The following FAM167A variants were observed in gnomAD, a reference collection of about 807,000 sequenced individuals.
The protein encoded by FAM167A is family with sequence similarity 167 member A.
A neutral mutation model predicts 14.9 loss-of-function variants in FAM167A; 23 were observed. The ratio of observed to expected loss-of-function variants is 1.55; its 90% confidence interval spans 1.11 to 2.19. The LOEUF (loss-of-function observed/expected upper bound fraction) is 2.19, where lower values mean the gene tolerates loss of function less well. Ranked by LOEUF, FAM167A falls within the 30% of genes most tolerant of loss-of-function variation. FAM167A has a pLI of 0.00. For missense variants in FAM167A, 401 were observed against 281.5 expected (o/e 1.42, Z -3.04); for synonymous variants, 174 against 117.7 (o/e 1.48, Z -3.10).
intron 2 of FAM167A, among the ~76,000 whole-genome samples, chr8:11,428,323 C>A (rs1312271726): frequency 6.6e-6 from 1 of 152,198 alleles, no homozygotes; most frequent in African/African-American, 2.4e-5. Context: ...ACAATTTACT[C>A]TTTAAGACCC....
chr8:11,427,904 G>A (rs987001259), intron 2 of FAM167A, among the ~76,000 whole-genome samples: 1 of 152,122 alleles, frequency 6.6e-6, no homozygotes, highest in African/African-American at 2.4e-5. Context: ...AATGATGATA[G>A]GGTGGCTGGT....
At chr8:11,459,073 C>G (rs1390457075) in intron 1 of FAM167A, among the ~76,000 whole-genome samples, 2 of 152,244 alleles carry the variant, frequency 1.3e-5, no homozygotes, top group African/African-American at 4.8e-5. Context: ...CTACTTTTCT[C>G]TCTATCACCC....
In FAM167A at chr8:11,462,040, G is replaced by A. The variant is rs1190230970; in HGVS notation, c.-398+4586C>T. Among the ~76,000 whole-genome samples the A allele has an allele frequency of 2.0e-5, 3 of 152,366 alleles. No individual in the cohort carries two copies. In the East Asian group the frequency reaches 5.8e-4, roughly 29 times the overall value. ...CAGCCTGTAAGTGGCTGCAGGTGCA[G>A]CGCTGTGCCTGCACTGGGGTTTGGC... On this transcript the variant is annotated intron_variant, in intron 1 of 2. Coordinates refer to ENST00000284486, the MANE Select transcript of FAM167A (RefSeq NM_053279.3).
At chr8:11,471,686 G>A (rs551913326), upstream of FAM167A, among the ~76,000 whole-genome samples, 1 of 152,212 alleles carries the variant, frequency 6.6e-6, no homozygotes, top group Non-Finnish European at 1.5e-5. Context: ...CTGGGTTTTA[G>A]AGAACCCTGC....
chr8:11,457,073 G>A (rs1233078186), intron 1 of FAM167A, among the ~76,000 whole-genome samples: 2 of 120,182 alleles, frequency 1.7e-5, no homozygotes, highest in Non-Finnish European at 1.7e-5. Context: ...CTGGGTTGGG[G>A]AAGTGGGCGG....
chr8:11,430,439 C>A (rs1267855865), intron 2 of FAM167A, among the ~76,000 whole-genome samples: 1 of 152,164 alleles, frequency 6.6e-6, no homozygotes, highest in African/African-American at 2.4e-5. Flanking sequence ...TGAGCCACTG[C>A]ACCTGGGTGA....
At chr8:11,430,085 T>G (rs970746417) in intron 2 of FAM167A, among the ~76,000 whole-genome samples, 1 of 152,172 alleles carries the variant, frequency 6.6e-6, no homozygotes, top group African/African-American at 2.4e-5. Flanking sequence ...CAGTGTGGGT[T>G]TCATGCTGTC....
chr8:11,433,106 G>C (rs537219193), intron 2 of FAM167A, among the ~76,000 whole-genome samples: 1 of 152,218 alleles, frequency 6.6e-6, no homozygotes, highest in African/African-American at 2.4e-5. Flanking sequence ...CCTAATGTAG[G>C]TGACGGGTTG....
chr8:11,422,093 G>A lies in FAM167A; in HGVS notation c.*2280C>T. 3.0e-6 allele frequency: 1 copy of A among 333,268 alleles called. No individual in the cohort carries two copies. The highest frequency in any genetic ancestry group is 5.4e-6 in the Non-Finnish European group (1 of 185,648). The allele number at this position is 333,268 out of a possible 1,614,324, so 20.6% of individuals were successfully genotyped here. On this transcript the variant is annotated 3_prime_UTR_variant, in exon 3 of 3. Transcript: ENST00000284486. ...ACATTTAACTTATCCCCAAACATGTGTCTTGATCTTAGTTTCCACCCAGAG... is the reference window on the plus strand; with the variant it reads ...ACATTTAACTTATCCCCAAACATGTATCTTGATCTTAGTTTCCACCCAGAG...
rs1374264241 is a variant in FAM167A at position 11,427,572 on chromosome 8, C to G, written c.382-2936G>C. On this transcript the variant is annotated intron_variant, in intron 2 of 2. Transcript: ENST00000284486. Reference sequence around the variant, plus strand: ...TATGCAAATGAAGGCAGTGTTCTCACTTTCTCCCTGTTAGGTTTATAATAG... The same window carrying G: ...TATGCAAATGAAGGCAGTGTTCTCAGTTTCTCCCTGTTAGGTTTATAATAG... 3.3e-5 allele frequency among the ~76,000 whole-genome samples: 5 copies of G among 152,348 alleles called. 1 individual carries two copies. The South Asian group carries it at 8.3e-4, about 25-fold the overall frequency.
At chr8:11,434,375 C>T (rs1805847068) in intron 2 of FAM167A, among the ~76,000 whole-genome samples, 1 of 152,188 alleles carries the variant, frequency 6.6e-6, no homozygotes, top group Non-Finnish European at 1.5e-5. Flanking sequence ...GGTGCAATGG[C>T]TCCTGTCACT....
chr8:11,454,383 G>T (rs1807147844), intron 1 of FAM167A, among the ~76,000 whole-genome samples: 1 of 152,240 alleles, frequency 6.6e-6, no homozygotes, highest in Non-Finnish European at 1.5e-5. Context: ...TGGTGCAGGG[G>T]TGGCAGGAAG....
intron 2 of FAM167A, among the ~76,000 whole-genome samples, chr8:11,442,008 A>C (rs1195512607): frequency 2.0e-5 from 3 of 152,370 alleles, no homozygotes; most frequent in Non-Finnish European, 4.4e-5. Flanking sequence ...AGAGGAGCGG[A>C]AACAGTGCAA....
upstream of FAM167A, among the ~76,000 whole-genome samples, chr8:11,470,467 G>A (rs1807925290): frequency 6.6e-6 from 1 of 152,210 alleles, no homozygotes; most frequent in Non-Finnish European, 1.5e-5. Flanking sequence ...ACAGGGCAGG[G>A]CAGGTGCTGC....
chr8:11,423,404 A>G lies in FAM167A; in HGVS notation c.*969T>C, dbSNP rs1423428228. ...ACACATCAGTAACAGTCTTATTAAA[A>G]CTAGTTGTTTAGGTCAGGCACAAAA... On this transcript the variant is annotated 3_prime_UTR_variant, in exon 3 of 3. Transcript: ENST00000284486. The G allele has an allele frequency of 5.9e-5, 9 of 152,580 alleles. No homozygotes were observed. The highest frequency in any genetic ancestry group is 5.9e-4 in the Admixed American group (9 of 15,272). The allele number at this position is 152,580 out of a possible 1,614,324, so 9.5% of individuals were successfully genotyped here.
upstream of FAM167A, among the ~76,000 whole-genome samples, chr8:11,468,514 C>T (rs1021480604): frequency 5.3e-5 from 8 of 152,196 alleles, no homozygotes; most frequent in African/African-American, 1.4e-4. Context: ...CAGTAGGCTC[C>T]GGAAGGGCAT....
intron 2 of FAM167A, among the ~76,000 whole-genome samples, chr8:11,428,889 ACT>A (rs1435652496): frequency 1.3e-5 from 2 of 152,042 alleles, no homozygotes; most frequent in Non-Finnish European, 2.9e-5. Flanking sequence ...GTTCCCACAG[ACT>A]CTGAAGAAAT....
Position 11,424,779 on chromosome 8 carries a change from A to C in FAM167A, c.382-143T>G, listed in dbSNP as rs561393537. On this transcript the variant is annotated intron_variant, in intron 2 of 2. Transcript: ENST00000284486. ...ATATTAGCACTTTCCCTGCTCAGGG[A>C]GGTGAAAAGACACAGAAAGCAAGGT... The C allele has an allele frequency of 1.7e-4, 220 of 1,267,410 alleles. No homozygotes were observed. The African/African-American group carries it at 3.0e-3, about 17-fold the overall frequency. 78.5% of individuals were successfully genotyped at this position (1,267,410 alleles called of 1,614,324 possible). A position where few individuals can be genotyped will look rare whatever the true frequency, so the allele number is the denominator to read the frequency against.
intron 2 of FAM167A, among the ~76,000 whole-genome samples, chr8:11,432,271 C>G (rs1805658867): frequency 6.6e-6 from 1 of 152,210 alleles, no homozygotes; most frequent in Non-Finnish European, 1.5e-5. Context: ...GTACTATCAT[C>G]AGAGTGAACA....
Sources: allele counts gnomAD v4.1 joint callset (sites outside exome capture counted in the v4.1 genomes callset), GRCh38; gene constraint gnomAD v4.1.1; transcripts MANE v1.5; gene names NCBI Gene and HGNC (gene_info 2026-07-23, HGNC 2026-07-21).